The following BTBD3 variants were observed in gnomAD, a reference collection of about 807,000 sequenced individuals.
The protein encoded by BTBD3 is BTB domain containing 3.
A neutral mutation model predicts 41.6 loss-of-function variants in BTBD3; 14 were observed. The observed-to-expected ratio is 0.34, with a 90% CI of 0.22 to 0.53. The LOEUF (loss-of-function observed/expected upper bound fraction) is 0.53. BTBD3 is among the 20% of genes least tolerant of loss of function. The probability of loss-of-function intolerance (pLI) is 0.95; values close to 1 mark genes in which losing one functional copy is unlikely to be tolerated. For synonymous variants in BTBD3, 249 were observed against 233.7 expected, an observed-to-expected ratio of 1.07 and a Z score of -0.60; for missense variants, 426 against 654.7, an observed-to-expected ratio of 0.65 and a Z score of 3.81.
At chr20:11,901,345 G>T (rs528393256) in intron 1 of BTBD3, among the ~76,000 whole-genome samples, 1 of 152,238 alleles carries the variant, frequency 6.6e-6, no homozygotes, top group East Asian at 1.9e-4. Flanking sequence ...GAGACAGGAT[G>T]AATAAGTGCT....
chr20:11,907,839 T>C (rs1262701408), intron 1 of BTBD3, among the ~76,000 whole-genome samples: 2 of 152,118 alleles, frequency 1.3e-5, no homozygotes, highest in Admixed American at 6.5e-5. Context: ...TAATTGGGAA[T>C]TGAGCCAGGT....
intron 1 of BTBD3, among the ~76,000 whole-genome samples, chr20:11,891,171 T>G (rs935160299): frequency 2.6e-4 from 34 of 131,878 alleles, no homozygotes; most frequent in African/African-American, 8.4e-4. Context: ...GCGGGCTGGC[T>G]TTCCGAGGGG....
Position 11,897,484 on chromosome 20 carries a change from C to CAA in BTBD3, c.-126+6554_-126+6555dup, listed in dbSNP as rs71186168. Among the ~76,000 whole-genome samples, 232 of 65,374 alleles carry CAA rather than the reference C, an allele frequency of 3.5e-3. 6 individuals are homozygous for CAA. The highest frequency in any genetic ancestry group is 0.011 in the African/African-American group (179 of 16,862). 42.9% of individuals were successfully genotyped at this position (65,374 alleles called of 152,430 possible). Reference sequence around the variant, plus strand: ...CTCCATTTTTTTCATGTTATTTAAGCAAAAAAAAAAAAAAAAAAAAAAAAA... The same window carrying CAA: ...CTCCATTTTTTTCATGTTATTTAAGCAAAAAAAAAAAAAAAAAAAAAAAAAAA... On this transcript the variant is annotated intron_variant, in intron 1 of 4. Coordinates refer to the BTBD3 transcript ENST00000254977.
intron 1 of BTBD3, among the ~76,000 whole-genome samples, chr20:11,895,371 C>G (rs2056780260): frequency 6.6e-6 from 1 of 152,172 alleles, no homozygotes; most frequent in African/African-American, 2.4e-5. Flanking sequence ...GTCTAGGAGG[C>G]TTATTGTAAA....
At chr20:11,891,836 T>C (rs1160932955) in intron 1 of BTBD3, among the ~76,000 whole-genome samples, 1 of 152,130 alleles carries the variant, frequency 6.6e-6, no homozygotes, top group Non-Finnish European at 1.5e-5. Context: ...CACGGTGCTT[T>C]TTCTTTTTTA....
chr20:11,906,821 T>G (rs2122227028), intron 1 of BTBD3, among the ~76,000 whole-genome samples: 1 of 152,314 alleles, frequency 6.6e-6, no homozygotes, highest in East Asian at 1.9e-4. Flanking sequence ...CACAAGCCTA[T>G]TTTATTACTT....
At chr20:11,922,463 A>G (rs2056978289) in intron 3 of BTBD3, among the ~76,000 whole-genome samples, 171 bp from the exon 4 acceptor site, 1 of 152,212 alleles carries the variant, frequency 6.6e-6, no homozygotes, top group Admixed American at 6.5e-5. Flanking sequence ...GGGTTAAAAT[A>G]TTAATAATTT....
chr20:11,914,759 AAAG>A (rs2056908294), upstream of BTBD3, among the ~76,000 whole-genome samples: 1 of 152,192 alleles, frequency 6.6e-6, no homozygotes, highest in African/African-American at 2.4e-5. Flanking sequence ...ATTGAAAAGA[AAAG>A]AAGAAAGAAG....
At chr20:11,926,595 AT>A (rs2057021458), downstream of BTBD3, 1 of 152,624 alleles carries the variant, frequency 6.6e-6, no homozygotes. Flanking sequence ...TAGTTCATAG[AT>A]TTGTTTTCCT....
Position 11,918,223 on chromosome 20 carries a change from G to C in BTBD3, c.-53G>C. Reference sequence around the variant, plus strand: ...TAGCCCGGGCTAATCTCTTTTCCTTGATGTTCAAACCAATTTGGGATATCT... The same window carrying C: ...TAGCCCGGGCTAATCTCTTTTCCTTCATGTTCAAACCAATTTGGGATATCT... On this transcript the variant is annotated 5_prime_UTR_variant, in exon 1 of 4. Transcript: ENST00000378226. 2.0e-6 allele frequency: 3 copies of C among 1,507,622 alleles called. No homozygotes were observed. The highest frequency in any genetic ancestry group is 2.6e-6 in the Non-Finnish European group (3 of 1,137,640). 93.4% of individuals were successfully genotyped at this position (1,507,622 alleles called of 1,614,324 possible). A position where few individuals can be genotyped will look rare whatever the true frequency, so the allele number is the denominator to read the frequency against.
intron 1 of BTBD3, among the ~76,000 whole-genome samples, chr20:11,893,060 CA>C: frequency 7.9e-6 from 1 of 125,796 alleles, no homozygotes; most frequent in East Asian, 2.2e-4. Flanking sequence ...AAAAAATGTT[CA>C]TTTTTTTTTT....
At chr20:11,915,712 T>G (rs2056913805), upstream of BTBD3, among the ~76,000 whole-genome samples, 1 of 152,206 alleles carries the variant, frequency 6.6e-6, no homozygotes, top group Non-Finnish European at 1.5e-5. Context: ...CATCAGTCCT[T>G]ACATACATTG....
At chr20:11,891,003 C>G (rs1017588984) in intron 1 of BTBD3, 1 of 977,442 alleles carries the variant, frequency 1.0e-6, no homozygotes, top group African/African-American at 1.8e-5. Flanking sequence ...CGCGCGTGCG[C>G]AGCGCGGGAC....
At chr20:11,916,223 A>G (rs760895263), upstream of BTBD3, among the ~76,000 whole-genome samples, 2 of 152,220 alleles carry the variant, frequency 1.3e-5, no homozygotes, top group Non-Finnish European at 2.9e-5. Flanking sequence ...CCTGCAAGGA[A>G]GTGGTCAAGG....
chr20:11,892,824 TA>T (rs1028426466), intron 1 of BTBD3, among the ~76,000 whole-genome samples: 2 of 152,046 alleles, frequency 1.3e-5, no homozygotes, highest in Non-Finnish European at 1.5e-5. Context: ...TTTAAAAATT[TA>T]AAAAAAATAT....
At chr20:11,906,192 C>G (rs2056852500) in intron 1 of BTBD3, among the ~76,000 whole-genome samples, 1 of 147,998 alleles carries the variant, frequency 6.8e-6, no homozygotes, top group Admixed American at 6.8e-5. Flanking sequence ...AGATACTTTC[C>G]AGTTTTGGCC....
intron 2 of BTBD3, 168 bp from the exon 3 acceptor site, chr20:11,919,550 C>G: frequency 1.8e-6 from 2 of 1,125,130 alleles, no homozygotes; most frequent in Non-Finnish European, 2.5e-6. Flanking sequence ...GCAGCATGGT[C>G]TTATGCTTCC....
At chr20:11,904,220 G>A (rs930682573) in intron 1 of BTBD3, among the ~76,000 whole-genome samples, 1 of 152,148 alleles carries the variant, frequency 6.6e-6, no homozygotes, top group Non-Finnish European at 1.5e-5. Flanking sequence ...AGCATGGCTG[G>A]GGGTGGTGCT....
intron 3 of BTBD3, among the ~76,000 whole-genome samples, chr20:11,920,735 A>G (rs753530767): frequency 3.9e-5 from 6 of 152,156 alleles, no homozygotes; most frequent in East Asian, 1.9e-4. Context: ...CTGTTGCTCT[A>G]GGGATTTCAG....
Sources: allele counts gnomAD v4.1 joint callset (sites outside exome capture counted in the v4.1 genomes callset), GRCh38; gene constraint gnomAD v4.1.1; transcripts MANE v1.5; gene names NCBI Gene and HGNC (gene_info 2026-07-23, HGNC 2026-07-21).